Variants in PSMB3 observed in about 807,000 individuals in gnomAD.
PSMB3 encodes the protein proteasome 20S subunit beta 3, also known as proteasome subunit beta type-3.
A neutral mutation model predicts 23.3 loss-of-function variants in PSMB3; 5 were observed. That is an observed-to-expected ratio of 0.21 (90% CI 0.11 to 0.45). The LOEUF is 0.45. PSMB3 is among the 20% of genes least tolerant of loss of function. PSMB3 has a pLI of 0.99. For synonymous variants in PSMB3, 85 were observed against 99.8 expected (o/e 0.85, Z 0.88); for missense variants, 192 against 277.9 (o/e 0.69, Z 2.20).
In PSMB3 at chr17:38,755,676, ATATATATG is replaced by A. The variant is rs1567643382; in HGVS notation, c.189-205_189-198del. Among the ~76,000 whole-genome samples, 29 of 107,784 alleles carry A rather than the reference ATATATATG, an allele frequency of 2.7e-4. 1 individual carries two copies. The highest frequency in any genetic ancestry group is 9.5e-3 in the Middle Eastern group (2 of 210). 70.7% of individuals were successfully genotyped at this position (107,784 alleles called of 152,430 possible). A position where few individuals can be genotyped will look rare whatever the true frequency, so the allele number is the denominator to read the frequency against. On this transcript the variant is annotated intron_variant, in intron 2 of 5. Transcript: ENST00000619426. ...AAAAAAAAAATATATATATATATAT[ATATATATG>A]TGTGTGTGTGTGTGTGTGTGTGTGT...
chr17:38,754,157 G>A (rs1296124041), intron 2 of PSMB3, among the ~76,000 whole-genome samples: 1 of 152,154 alleles, frequency 6.6e-6, no homozygotes, highest in Non-Finnish European at 1.5e-5. Context: ...ACAAGCGTGG[G>A]TGGATGCCTG....
intron 2 of PSMB3, 124 bp downstream of exon 2, chr17:38,753,458 CTCCAAAAAACATGTCCT>C: frequency 2.0e-6 from 2 of 989,570 alleles, no homozygotes; most frequent in Non-Finnish European, 1.5e-6. Context: ...ACTTTGCCGC[CTCCAAAAAACATGTCCT>C]TCCCTTTCTT....
chr17:38,758,496 T>C (rs1908304449), intron 3 of PSMB3, among the ~76,000 whole-genome samples: 1 of 152,046 alleles, frequency 6.6e-6, no homozygotes, highest in South Asian at 2.1e-4. Flanking sequence ...CATGCCACCA[T>C]GCCTGGCTAA....
At chr17:38,760,200 G>A (rs1908374611) in intron 3 of PSMB3, among the ~76,000 whole-genome samples, 1 of 152,214 alleles carries the variant, frequency 6.6e-6, no homozygotes, top group Non-Finnish European at 1.5e-5. Flanking sequence ...TCAGAGGTGA[G>A]AAGGATAGAA....
chr17:38,755,308 T>C (rs1356625816), intron 2 of PSMB3: 1 of 152,054 alleles, frequency 6.6e-6, no homozygotes, highest in Non-Finnish European at 1.5e-5. Context: ...CAAATTTGCA[T>C]GTCATCCTTC....
At chr17:38,756,078 T>C in intron 3 of PSMB3, 88 bp downstream of exon 3, 1 of 1,071,492 alleles carries the variant, frequency 9.3e-7, no homozygotes, top group Non-Finnish European at 1.4e-6. Context: ...ACTCTCCTTG[T>C]TTTTCCATCT....
Position 38,753,160 on chromosome 17 carries a change from C to G in PSMB3, c.14C>G (p.Ser5Cys). The G allele has an allele frequency of 1.9e-6, 3 of 1,614,000 alleles. No homozygotes were observed. The highest frequency in any genetic ancestry group is 2.5e-6 in the Non-Finnish European group (3 of 1,179,936). ...CTCTGTCTGTCCTAGTCTATTATGT[C>G]CTATAACGGAGGGGCCGTCATGGCC... MSIMSYNGGAVMAMK... is the reference protein window; with the variant it reads MSIMCYNGGAVMAMK... Residue 5 changes from serine (S) to cysteine (C), a missense_variant, in exon 2 of 6, where the codon TCC becomes TGC. Physicochemically the swap from Ser to Cys is moderately radical, Grantham distance 112 (BLOSUM62 -1). Transcript: ENST00000619426.
chr17:38,760,757 A>T (rs1034321354), intron 4 of PSMB3, 149 bp downstream of exon 4: 40 of 955,992 alleles, frequency 4.2e-5, no homozygotes, highest in African/African-American at 1.7e-5. Flanking sequence ...GGTATCCAGA[A>T]ATTCCATCTG....
chr17:38,762,608 G>A (rs1199854473), intron 5 of PSMB3, 103 bp downstream of exon 5: 2 of 1,150,536 alleles, frequency 1.7e-6, no homozygotes, highest in Non-Finnish European at 2.5e-6. Context: ...GGTCAGGTGT[G>A]AGATAAGAAA....
At position 38,753,176 on chromosome 17, in the gene PSMB3, C is replaced by T; in HGVS notation, c.30C>T (p.Ala10=). The T allele has an allele frequency of 6.2e-7, 1 of 1,614,146 alleles. No individual in the cohort carries two copies. Among genetic ancestry groups the T allele is most frequent in the Non-Finnish European group, 8.5e-7 (1 of 1,180,006 alleles). The change falls in exon 2 of 6, where the codon GCC becomes GCT. Residue 10 remains alanine (A), a synonymous_variant. Transcript: ENST00000619426. ...CTATTATGTCCTATAACGGAGGGGC[C>T]GTCATGGCCATGAAGGGGAAGAACT... MSIMSYNGG[A]VMAMKGKNCV... is the part of the protein sequence containing the mutation.
chr17:38,755,800 C>G, intron 2 of PSMB3, 83 bp from the exon 3 acceptor site: 1 of 1,185,992 alleles, frequency 8.4e-7, no homozygotes, highest in Admixed American at 1.9e-5. Flanking sequence ...TGAGATGTCT[C>G]CTTATGTTTC....
chr17:38,753,367 C>T, intron 2 of PSMB3, 33 bp downstream of exon 2: 3 of 1,600,370 alleles, frequency 1.9e-6, no homozygotes, highest in Non-Finnish European at 2.6e-6. Flanking sequence ...CACACCCAGG[C>T]CTCTTCTTGG....
At chr17:38,753,538 G>GCA (rs1908031869) in intron 2 of PSMB3, among the ~76,000 whole-genome samples, 2 of 151,704 alleles carry the variant, frequency 1.3e-5, no homozygotes, top group Non-Finnish European at 2.9e-5. Flanking sequence ...GAGCTCAGTG[G>GCA]CATGATCTCA....
intron 5 of PSMB3, among the ~76,000 whole-genome samples, chr17:38,763,497 C>T (rs1254008919): frequency 3.9e-5 from 3 of 76,034 alleles, no homozygotes; most frequent in African/African-American, 1.0e-4. Context: ...CTTCTTCCCC[C>T]TTTTTTTTTT....
At chr17:38,763,469 T>C (rs1029462178) in intron 5 of PSMB3, among the ~76,000 whole-genome samples, 7 of 151,510 alleles carry the variant, frequency 4.6e-5, no homozygotes, top group Non-Finnish European at 8.8e-5. Context: ...AGTGGCTTGT[T>C]CTCTAGGCTT....
In PSMB3 at chr17:38,752,809, T is replaced by A. The variant is rs1458477923; in HGVS notation, c.-18T>A. Reference sequence around the variant, plus strand: ...TGGAATTGCTCTGGCGATCGAGGGATCCTAGTACACCGCAATCATGGTGAG... The same window carrying A: ...TGGAATTGCTCTGGCGATCGAGGGAACCTAGTACACCGCAATCATGGTGAG... On this transcript the variant is annotated 5_prime_UTR_variant, in exon 1 of 6. Coordinates refer to ENST00000619426, the MANE Select transcript of PSMB3 (RefSeq NM_002795.4). The surrounding 1 kb of genome is among the most constrained non-coding windows in gnomAD (Gnocchi z 5.5). The A allele has an allele frequency of 6.2e-7, 1 of 1,613,836 alleles. No homozygotes were observed. The highest frequency in any genetic ancestry group is 1.7e-5 in the Admixed American group (1 of 60,006).
Position 38,753,197 on chromosome 17 carries a change from G to A in PSMB3, c.51G>A (p.Lys17=). Residue 17 remains lysine (K), a synonymous_variant, in exon 2 of 6, where the codon AAG becomes AAA. Coordinates refer to ENST00000619426, the MANE Select transcript of PSMB3 (RefSeq NM_002795.4). ...GGGCCGTCATGGCCATGAAGGGGAA[G>A]AACTGTGTGGCCATCGCTGCAGACA... ...NGGAVMAMKG[K]NCVAIAADRR... The A allele has an allele frequency of 6.2e-7, 1 of 1,614,236 alleles. No individual in the cohort carries two copies. The highest frequency in any genetic ancestry group is 1.1e-5 in the South Asian group (1 of 91,086).
chr17:38,760,164 TGAAA>T (rs1908372807), intron 3 of PSMB3, among the ~76,000 whole-genome samples: 1 of 152,096 alleles, frequency 6.6e-6, no homozygotes, highest in African/African-American at 2.4e-5. Flanking sequence ...AAAACAATTC[TGAAA>T]GAAAGAAGGA....
intron 5 of PSMB3, among the ~76,000 whole-genome samples, chr17:38,763,131 C>G (rs1044034921): frequency 1.3e-5 from 2 of 152,076 alleles, no homozygotes; most frequent in African/African-American, 4.8e-5. Context: ...CTGAGGTGGG[C>G]AGATCACTTG....
Sources: gnomAD v4.1 joint callset for allele counts (sites outside exome capture counted in the v4.1 genomes callset) on GRCh38, gnomAD v4.1.1 for gene constraint, Gnocchi (gnomAD v3.1) non-coding constraint, MANE v1.5 for transcripts, NCBI Gene and HGNC (gene_info 2026-07-23, HGNC 2026-07-21) for gene names.